Variants in CNTNAP2 observed in about 807,000 individuals in gnomAD.
CNTNAP2 encodes contactin-associated protein-like 2.
Under a neutral mutation model 155.2 loss-of-function variants are expected in CNTNAP2, and 98 were observed. The ratio of observed to expected loss-of-function variants is 0.63; its 90% confidence interval spans 0.54 to 0.75. CNTNAP2 has a LOEUF of 0.75. Among genes scored for constraint, CNTNAP2 ranks in the 30% least tolerant of loss-of-function variants. The probability of loss-of-function intolerance (pLI) is 0.00; values close to 1 mark genes in which losing one functional copy is unlikely to be tolerated. For missense variants in CNTNAP2, 1,727 were observed against 1,688.1 expected (o/e 1.02, Z -0.40); for synonymous variants, 651 against 631.2 (o/e 1.03, Z -0.47).
At chr7:146,914,636 T>C (rs1203351024) in intron 3 of CNTNAP2, among the ~76,000 whole-genome samples, 1 of 152,086 alleles carries the variant, frequency 6.6e-6, no homozygotes, top group Non-Finnish European at 1.5e-5. Context: ...GCTCACTTTT[T>C]GGTGGGATTG....
intron 9 of CNTNAP2, among the ~76,000 whole-genome samples, chr7:147,330,495 T>C (rs568986060): frequency 7.9e-5 from 12 of 152,278 alleles, no homozygotes; most frequent in Admixed American, 7.2e-4. Context: ...TCTGAAGCAT[T>C]GATGGGTTGG....
intron 15 of CNTNAP2, among the ~76,000 whole-genome samples, chr7:148,016,956 G>A (rs945507704): frequency 1.3e-5 from 2 of 152,122 alleles, no homozygotes; most frequent in Non-Finnish European, 2.9e-5. Flanking sequence ...CTCAAAAAAA[G>A]CAAGTCTTAT....
intron 3 of CNTNAP2, among the ~76,000 whole-genome samples, chr7:146,841,671 G>GTTCACAT (rs1803727177): frequency 6.6e-6 from 1 of 152,188 alleles, no homozygotes; most frequent in East Asian, 1.9e-4. Context: ...CAGAAATACT[G>GTTCACAT]TTCACATTTT....
rs569363996 is a variant in CNTNAP2, at chr7:148,152,750, G to A, written c.2773+5041G>A. Among the ~76,000 whole-genome samples, 9 of 152,272 alleles carry A rather than the reference G, an allele frequency of 5.9e-5. No individual in the cohort carries two copies. In the South Asian group the frequency reaches 1.7e-3, roughly 28 times the overall value. ...TAAAGCTAAACTCTAGCTGGGCACGGCGGCTCACGCCTGTAATCCCAGCAC... is the reference window on the plus strand; with the variant it reads ...TAAAGCTAAACTCTAGCTGGGCACGACGGCTCACGCCTGTAATCCCAGCAC... On this transcript the variant is annotated intron_variant, in intron 17 of 23. Coordinates refer to ENST00000361727, the MANE Select transcript of CNTNAP2 (RefSeq NM_014141.6).
At chr7:148,370,492 C>T (rs938899624) in intron 21 of CNTNAP2, among the ~76,000 whole-genome samples, 4 of 152,158 alleles carry the variant, frequency 2.6e-5, no homozygotes, top group Admixed American at 1.3e-4. Flanking sequence ...GTCATTCAAC[C>T]CCATCTTGTG....
intron 8 of CNTNAP2, among the ~76,000 whole-genome samples, chr7:147,271,202 GT>G (rs1247529362): frequency 6.6e-6 from 1 of 152,140 alleles, no homozygotes; most frequent in Non-Finnish European, 1.5e-5. Flanking sequence ...TGCTAAGTAA[GT>G]TGATATTCCT....
At chr7:147,500,196 T>C (rs932865749) in intron 11 of CNTNAP2, among the ~76,000 whole-genome samples, 12 of 152,246 alleles carry the variant, frequency 7.9e-5, no homozygotes, top group Admixed American at 7.9e-4. Flanking sequence ...TTTACTCTTT[T>C]ATCCTTTATG....
At chr7:148,392,816 C>G (rs960056613) in intron 22 of CNTNAP2, among the ~76,000 whole-genome samples, 78 of 152,248 alleles carry the variant, frequency 5.1e-4, no homozygotes, top group African/African-American at 1.5e-3. Flanking sequence ...GGTCTTCTCC[C>G]AGATATATTA....
intron 13 of CNTNAP2, among the ~76,000 whole-genome samples, chr7:147,701,261 T>C (rs1796232645): frequency 1.3e-5 from 2 of 152,292 alleles, no homozygotes; most frequent in South Asian, 4.1e-4. Flanking sequence ...ATAAACCTGG[T>C]TTGTTTGCAA....
rs1041241635 is a variant in CNTNAP2 at position 146,905,153 on chromosome 7, T to C, written c.402+65249T>C. On this transcript the variant is annotated intron_variant, in intron 3 of 23. Transcript: ENST00000361727. Reference sequence around the variant, plus strand: ...CCTACCTCCGCCCCTACTCACGTTGTGACAATCAAAAATGTCTCCTGAACT... The same window carrying C: ...CCTACCTCCGCCCCTACTCACGTTGCGACAATCAAAAATGTCTCCTGAACT... Among the ~76,000 whole-genome samples, 3 of 151,922 alleles carry C rather than the reference T, an allele frequency of 2.0e-5. No individual in the cohort carries two copies. In the South Asian group the frequency reaches 6.2e-4, roughly 31 times the overall value.
intron 8 of CNTNAP2, among the ~76,000 whole-genome samples, chr7:147,135,489 G>A (rs953044244): frequency 6.6e-6 from 1 of 151,630 alleles, no homozygotes; most frequent in Non-Finnish European, 1.5e-5. Flanking sequence ...ACATATTTAG[G>A]CATTACTTTT....
intron 4 of CNTNAP2, among the ~76,000 whole-genome samples, chr7:147,089,639 A>G (rs542077941): frequency 6.6e-6 from 1 of 152,306 alleles, no homozygotes; most frequent in South Asian, 2.1e-4. Flanking sequence ...GTAGGAGTTA[A>G]CTAAGTTTGG....
chr7:147,885,040 G>C (rs888995860), intron 13 of CNTNAP2, among the ~76,000 whole-genome samples: 11 of 152,228 alleles, frequency 7.2e-5, no homozygotes, highest in African/African-American at 2.7e-4. Flanking sequence ...ACACATGACT[G>C]TCTGGAGAGT....
chr7:147,766,290 TTTATAA>T (rs1654416751), intron 13 of CNTNAP2, among the ~76,000 whole-genome samples: 1 of 152,188 alleles, frequency 6.6e-6, no homozygotes, highest in South Asian at 2.1e-4. Context: ...GGTACCTATG[TTTATAA>T]TTATAGACTT....
intron 12 of CNTNAP2, among the ~76,000 whole-genome samples, chr7:147,584,694 C>T (rs554808855): frequency 4.9e-4 from 75 of 152,288 alleles, no homozygotes; most frequent in African/African-American, 1.7e-3. Context: ...GTTAGCAGCA[C>T]CACTATTACC....
At chr7:146,580,248 T>C (rs572337730) in intron 1 of CNTNAP2, among the ~76,000 whole-genome samples, 1 of 152,276 alleles carries the variant, frequency 6.6e-6, no homozygotes, top group Admixed American at 6.5e-5. Context: ...ATTATGTGAC[T>C]TGTTTGTTGA....
intron 8 of CNTNAP2, among the ~76,000 whole-genome samples, chr7:147,225,857 G>C (rs1420546804): frequency 2.6e-5 from 2 of 76,118 alleles, no homozygotes; most frequent in African/African-American, 5.1e-5. Flanking sequence ...GAAGGAAGGA[G>C]GGAAAGAAGG....
intron 13 of CNTNAP2, among the ~76,000 whole-genome samples, chr7:147,819,908 C>T (rs1188505576): frequency 6.6e-6 from 1 of 152,044 alleles, no homozygotes; most frequent in East Asian, 1.9e-4. Context: ...ACCTGTTTTT[C>T]AGTTTGTGGC....
At chr7:147,849,235 A>G (rs1158263060) in intron 13 of CNTNAP2, among the ~76,000 whole-genome samples, 2 of 152,228 alleles carry the variant, frequency 1.3e-5, no homozygotes, top group African/African-American at 4.8e-5. Context: ...CAAGGCCAAT[A>G]TTACATTTTC....
Sources: gnomAD v4.1 joint callset for allele counts (sites outside exome capture counted in the v4.1 genomes callset) on GRCh38, gnomAD v4.1.1 for gene constraint, MANE v1.5 for transcripts, NCBI Gene and HGNC (gene_info 2026-07-23, HGNC 2026-07-21) for gene names.